SLC29A2: variants seen among roughly 807,000 people sequenced by gnomAD.
SLC29A2 encodes equilibrative nucleoside transporter 2.
SLC29A2 carries 37 observed loss-of-function variants against 48.8 expected under a neutral mutation model. The ratio of observed to expected loss-of-function variants is 0.76; its 90% CI spans 0.58 to 1.00. The LOEUF (loss-of-function observed/expected upper bound fraction) is 1.00. Ranked by LOEUF, SLC29A2 falls within the 50% of genes least tolerant of loss-of-function variation. SLC29A2 has a pLI of 0.00. For missense variants in SLC29A2, 533 were observed against 578.6 expected, an observed-to-expected ratio of 0.92 and a Z score of 0.81; for synonymous variants, 233 against 261.7, an observed-to-expected ratio of 0.89 and a Z score of 1.06.
chr11:66,371,853 C>G (rs906131050), upstream of SLC29A2: 24 of 544,624 alleles, frequency 4.4e-5, no homozygotes, highest in Non-Finnish European at 7.1e-5. Flanking sequence ...CTCAGGGACT[C>G]GACTCTGGCT....
rs759717168 is a variant in SLC29A2, at chr11:66,362,540, T to A, written c.*896A>T. 6.6e-6 allele frequency: 1 copy of A among 152,260 alleles called. No homozygotes were observed. The highest frequency in any genetic ancestry group is 1.5e-5 in the Non-Finnish European group (1 of 68,066). 9.4% of individuals were successfully genotyped at this position (152,260 alleles called of 1,614,324 possible). On this transcript the variant is annotated 3_prime_UTR_variant, in exon 12 of 12. Transcript: ENST00000357440. ...GCATCATACAAATAAATGGGGTTAT[T>A]AGACCCAAGAGCAGGGTCAGAAGGA...
chr11:66,368,767 A>AC, intron 4 of SLC29A2, 96 bp from the exon 5 acceptor site: 1 of 1,503,608 alleles, frequency 6.7e-7, no homozygotes, highest in Non-Finnish European at 9.0e-7. Flanking sequence ...GACTCTGGAC[A>AC]AGGTTGCGCA....
rs1186086559 is a variant in SLC29A2 at position 66,363,416 on chromosome 11, A to G, written c.*20T>C. 3 of 1,574,246 alleles carry G rather than the reference A, an allele frequency of 1.9e-6. No homozygotes were observed. Among genetic ancestry groups the G allele is most frequent in the African/African-American group, 2.7e-5 (2 of 74,120 alleles). On this transcript the variant is annotated 3_prime_UTR_variant, in exon 12 of 12. Coordinates refer to ENST00000357440, the MANE Select transcript of SLC29A2 (RefSeq NM_001532.3). Reference sequence around the variant, plus strand: ...AGGAGACGTCGAGAAGAGGCTGCCAAAGAGCCTGGAGGGGCCACTTCAGAG... The same window carrying G: ...AGGAGACGTCGAGAAGAGGCTGCCAGAGAGCCTGGAGGGGCCACTTCAGAG...
Position 66,371,430 on chromosome 11 carries a change from C to T in SLC29A2, c.30-105G>A. The T allele has an allele frequency of 1.3e-6, 2 of 1,510,152 alleles. No individual in the cohort carries two copies. Among genetic ancestry groups the T allele is most frequent in the Admixed American group, 1.8e-5 (1 of 54,746 alleles). The allele number at this position is 1,510,152 out of a possible 1,614,324, so 93.5% of individuals were successfully genotyped here. On this transcript the variant is annotated intron_variant, in intron 1 of 11. Transcript: ENST00000357440. ...GGAGCGGACTACAACCCCGATCACCCCGGTTCCGGCGGCCGAGGGAGTCGG... is the reference window on the plus strand; with the variant it reads ...GGAGCGGACTACAACCCCGATCACCTCGGTTCCGGCGGCCGAGGGAGTCGG...
rs781690791 is a variant in SLC29A2 at position 66,366,557 on chromosome 11, G to A, written c.741C>T (p.Asn247=). The change falls in exon 8 of 12, where the codon AAC becomes AAT. Residue 247 remains asparagine (N), a synonymous_variant. Coordinates refer to ENST00000357440, the MANE Select transcript of SLC29A2 (RefSeq NM_001532.3). ...TKAELLQSDE[N]GIPSSPQKVA... is the part of the protein sequence containing the mutation. ...CTTTCTGGGGACTACTGGGAATCCC[G>A]TTCTCATCTGGGGTGAGGGGGGACG... The A allele has an allele frequency of 1.5e-5, 24 of 1,613,486 alleles. No individual in the cohort carries two copies. Among genetic ancestry groups the A allele is most frequent in the African/African-American group, 4.0e-5 (3 of 74,886 alleles).
At chr11:66,364,115 G>T in intron 11 of SLC29A2, 110 bp downstream of exon 11, 1 of 922,420 alleles carries the variant, frequency 1.1e-6, no homozygotes, top group Non-Finnish European at 1.7e-6. Context: ...AGCTAGGGTT[G>T]GGCTGGCCAG....
At chr11:66,367,593 G>C in intron 6 of SLC29A2, 45 bp from the exon 7 acceptor site, 1 of 1,598,246 alleles carries the variant, frequency 6.3e-7, no homozygotes, top group Non-Finnish European at 8.6e-7. Flanking sequence ...GCTTGCCTGA[G>C]GTGTCTGGAT....
intron 11 of SLC29A2, 73 bp downstream of exon 11, chr11:66,364,152 C>T: frequency 1.6e-6 from 2 of 1,254,220 alleles, no homozygotes; most frequent in Non-Finnish European, 2.3e-6. Flanking sequence ...CCCTCCATTG[C>T]AGGCGGTCCC....
In SLC29A2 at chr11:66,367,399, C is replaced by T. The variant is rs1025056156; in HGVS notation, c.733+65G>A. 53 of 1,381,472 alleles carry T rather than the reference C, an allele frequency of 3.8e-5. No individual in the cohort carries two copies. In the African/African-American group the frequency reaches 7.3e-4, roughly 19 times the overall value. 85.6% of individuals were successfully genotyped at this position (1,381,472 alleles called of 1,614,324 possible). On this transcript the variant is annotated intron_variant, in intron 7 of 11. Coordinates refer to ENST00000357440, the MANE Select transcript of SLC29A2 (RefSeq NM_001532.3). Reference sequence around the variant, plus strand: ...TGGCTGGGAACAGATGGAACAGCTTCCCAGGGGAGGTGGCTCTAGCTTCCT... The same window carrying T: ...TGGCTGGGAACAGATGGAACAGCTTTCCAGGGGAGGTGGCTCTAGCTTCCT...
intron 10 of SLC29A2, chr11:66,364,828 T>TGTG (rs1855581053): frequency 2.5e-5 from 4 of 161,960 alleles, no homozygotes; most frequent in Non-Finnish European, 4.0e-5. Context: ...CATTAAAAAT[T>TGTG]TGTGTGTGTG....
At chr11:66,367,957 G>T in intron 5 of SLC29A2, 88 bp from the exon 6 acceptor site, 1 of 994,374 alleles carries the variant, frequency 1.0e-6, no homozygotes, top group Non-Finnish European at 1.6e-6. Context: ...TTCCCATTGT[G>T]TACTTCTCAG....
At chr11:66,369,640 G>C in intron 2 of SLC29A2, 108 bp from the exon 3 acceptor site, 2 of 1,317,242 alleles carry the variant, frequency 1.5e-6, no homozygotes, top group Non-Finnish European at 2.2e-6. Flanking sequence ...TGTCTGCCTT[G>C]TCCTTGTTCT....
chr11:66,366,644 C>A lies in SLC29A2; in HGVS notation c.734-80G>T, dbSNP rs188712792. 7 of 1,520,728 alleles carry A rather than the reference C, an allele frequency of 4.6e-6. 1 individual carries two copies. In the African/African-American group the frequency reaches 8.2e-5, roughly 18 times the overall value. The allele number at this position is 1,520,728 out of a possible 1,614,324, so 94.2% of individuals were successfully genotyped here. A position where few individuals can be genotyped will look rare whatever the true frequency, so the allele number is the denominator to read the frequency against. ...GCCAGGCCCAACGAAGGGAGATTCC[C>A]AGCAGTTAAAACAAGTGATCCTCAG... On this transcript the variant is annotated intron_variant, in intron 7 of 11. Transcript: ENST00000357440.
At chr11:66,365,731 C>T (rs2134998457) in intron 10 of SLC29A2, among the ~76,000 whole-genome samples, 1 of 152,342 alleles carries the variant, frequency 6.6e-6, no homozygotes, top group East Asian at 1.9e-4. Flanking sequence ...CAGAGGTCAG[C>T]TGGACATGAT....
At chr11:66,367,002 C>G (rs1855736949) in intron 7 of SLC29A2, among the ~76,000 whole-genome samples, 1 of 152,186 alleles carries the variant, frequency 6.6e-6, no homozygotes, top group Admixed American at 6.5e-5. Context: ...CCAGCCTAAG[C>G]TGAGGCTGCA....
chr11:66,364,131 G>A (rs1185732831), intron 11 of SLC29A2, 94 bp downstream of exon 11: 5 of 1,078,970 alleles, frequency 4.6e-6, no homozygotes, highest in Non-Finnish European at 6.9e-6. Flanking sequence ...GCCAGAAGCA[G>A]GATGGGCCGT....
chr11:66,371,429 C>T, intron 1 of SLC29A2, 104 bp from the exon 2 acceptor site: 1 of 1,512,090 alleles, frequency 6.6e-7, no homozygotes, highest in South Asian at 1.2e-5. Context: ...CCCCGATCAC[C>T]CCGGTTCCGG....
intron 11 of SLC29A2, among the ~76,000 whole-genome samples, chr11:66,363,961 T>TTC (rs1855515435): frequency 6.6e-6 from 1 of 151,808 alleles, no homozygotes; most frequent in Non-Finnish European, 1.5e-5. Context: ...CATTTTTTTT[T>TTC]ACAGATGGGG....
At chr11:66,364,202 C>A (rs750073632) in intron 11 of SLC29A2, 23 bp downstream of exon 11, 13 of 1,549,088 alleles carry the variant, frequency 8.4e-6, no homozygotes, top group South Asian at 3.5e-5. Context: ...CCCAGCCCCC[C>A]ACCCCACCCC....
Sources: gnomAD v4.1 joint callset for allele counts (sites outside exome capture counted in the v4.1 genomes callset) on GRCh38, gnomAD v4.1.1 for gene constraint, MANE v1.5 for transcripts, NCBI Gene and HGNC (gene_info 2026-07-23, HGNC 2026-07-21) for gene names.